SEMA3D: variants seen among roughly 807,000 people sequenced by gnomAD.
SEMA3D encodes semaphorin 3D, also known as semaphorin-3D.
Under a neutral mutation model 100.1 loss-of-function variants are expected in SEMA3D, and 84 were observed. The observed-to-expected ratio is 0.84, with a 90% CI of 0.70 to 1.01. The LOEUF is 1.01. Ranked by LOEUF, SEMA3D falls within the 50% of genes least tolerant of loss-of-function variation. SEMA3D has a pLI of 0.00. For missense variants in SEMA3D, 875 were observed against 934.1 expected (o/e 0.94, Z 0.82); for synonymous variants, 312 against 320.7 (o/e 0.97, Z 0.29).
At chr7:85,141,458 A>G (rs1348718795) in intron 2 of SEMA3D, 3 of 985,036 alleles carry the variant, frequency 3.0e-6, no homozygotes, top group Non-Finnish European at 3.6e-6. Context: ...TGGTGTCTTG[A>G]TCTTTCTCCA....
the SEMA3D span, among the ~76,000 whole-genome samples, chr7:85,212,401 C>T: frequency 6.6e-6 from 1 of 152,054 alleles, no homozygotes; most frequent in Non-Finnish European, 1.5e-5. Context: ...AATGGAAAAC[C>T]CTTCAGCCTT....
intron 1 of SEMA3D, among the ~76,000 whole-genome samples, chr7:85,156,183 A>T (rs1388179060): frequency 6.6e-6 from 1 of 150,678 alleles, no homozygotes; most frequent in African/African-American, 2.4e-5. Flanking sequence ...GCTCACTGCA[A>T]CCTCCACCTC....
At chr7:85,107,987 C>T (rs1208070899) in intron 3 of SEMA3D, among the ~76,000 whole-genome samples, 1 of 151,966 alleles carries the variant, frequency 6.6e-6, no homozygotes, top group African/African-American at 2.4e-5. Context: ...TAAATTAGGT[C>T]AATTTCATGA....
chr7:85,151,561 G>C (rs759260782), intron 2 of SEMA3D: 47 of 853,392 alleles, frequency 5.5e-5, no homozygotes, highest in Non-Finnish European at 6.6e-5. Flanking sequence ...GGTTAAAATA[G>C]AGCACCGTAG....
In SEMA3D at chr7:85,091,197, G is replaced by A. The variant is rs574644804; in HGVS notation, c.312+6608C>T. Among the ~76,000 whole-genome samples, 412 of 147,718 alleles carry A rather than the reference G, an allele frequency of 2.8e-3. 1 individual carries two copies. Among genetic ancestry groups the A allele is most frequent in the African/African-American group, 0.01 (400 of 39,804 alleles). ...AAGAAGGAAGGAAGGAAGAGAAGGA[G>A]GGAGGGAGGGAAGGAAGGGAAGGAA... is the stretch of plus-strand genomic sequence containing the variant. On this transcript the variant is annotated intron_variant, in intron 4 of 18. Transcript: ENST00000284136.
chr7:85,055,790 A>G lies in SEMA3D; in HGVS notation c.788T>C (p.Phe263Ser). 1 of 1,576,398 alleles carries G rather than the reference A, an allele frequency of 6.3e-7. No homozygotes were observed. Among genetic ancestry groups the G allele is most frequent in the Non-Finnish European group, 8.7e-7 (1 of 1,149,314 alleles). Residue 263 changes from phenylalanine to serine, a missense_variant, in exon 9 of 19, where the codon TTC becomes TCC. Phe to Ser is a radical substitution (Grantham distance 155). Transcript: ENST00000284136. ...YNPDDDKIYF[F>S]FRESSQEGST... is the part of the protein sequence containing the mutation. ...GCCTTCTTGAGATGATTCACGAAAG[A>G]AGAAATATATTTTATCATCATCTGG...
At chr7:85,048,655 T>C (rs1462823691) in intron 9 of SEMA3D, among the ~76,000 whole-genome samples, 9 of 151,912 alleles carry the variant, frequency 5.9e-5, no homozygotes, top group Non-Finnish European at 1.0e-4. Flanking sequence ...TCTTTTGCAA[T>C]ACTTGCAATG....
chr7:85,089,282 G>A (rs1788309040), intron 4 of SEMA3D, among the ~76,000 whole-genome samples: 2 of 152,038 alleles, frequency 1.3e-5, no homozygotes, highest in Admixed American at 6.5e-5. Flanking sequence ...TCTAGGTAGA[G>A]CTTGTTCTAC....
intron 2 of SEMA3D, among the ~76,000 whole-genome samples, chr7:85,150,131 A>G (rs1041175770): frequency 4.0e-5 from 6 of 151,840 alleles, no homozygotes; most frequent in African/African-American, 1.5e-4. Context: ...TAATTTAAGA[A>G]TATTTAAATT....
intron 12 of SEMA3D, among the ~76,000 whole-genome samples, chr7:85,029,887 A>C (rs768118489): frequency 2.6e-5 from 4 of 152,096 alleles, no homozygotes; most frequent in East Asian, 1.9e-4. Context: ...TTGTATTGTA[A>C]GTGGAAAATG....
chr7:85,105,458 A>G (rs1261664266), intron 3 of SEMA3D, among the ~76,000 whole-genome samples: 7 of 152,072 alleles, frequency 4.6e-5, no homozygotes, highest in African/African-American at 1.4e-4. Context: ...AAGATAACTC[A>G]TAATTCCCCT....
In SEMA3D at chr7:84,998,325, AAG is replaced by A. The variant is rs932662170; in HGVS notation, c.*1113_*1114del. ...ACAGAGTATGATAAATATTTTTTAAAAGAGAGAAAATATATACTGAAATATCA... is the reference window on the plus strand; with the variant it reads ...ACAGAGTATGATAAATATTTTTTAAAAGAGAAAATATATACTGAAATATCA... On this transcript the variant is annotated 3_prime_UTR_variant, in exon 19 of 19. Transcript: ENST00000284136. The A allele has an allele frequency of 8.5e-5, 13 of 152,304 alleles. No individual in the cohort carries two copies. In the East Asian group the frequency reaches 2.1e-3, roughly 25 times the overall value. 9.4% of individuals were successfully genotyped at this position (152,304 alleles called of 1,614,324 possible).
intron 1 of SEMA3D, among the ~76,000 whole-genome samples, chr7:85,177,376 T>C (rs894323014): frequency 2.6e-5 from 4 of 152,156 alleles, no homozygotes; most frequent in African/African-American, 7.2e-5. Flanking sequence ...ATTATACATA[T>C]AACATTTGTT....
At chr7:85,194,846 T>C in the SEMA3D span, among the ~76,000 whole-genome samples, 2 of 151,700 alleles carry the variant, frequency 1.3e-5, no homozygotes, top group African/African-American at 2.4e-5. Flanking sequence ...CTGGTGTTTT[T>C]CCATCATCTT....
chr7:85,125,193 A>G (rs779081061), intron 2 of SEMA3D, among the ~76,000 whole-genome samples: 2 of 152,082 alleles, frequency 1.3e-5, no homozygotes, highest in Admixed American at 1.3e-4. Flanking sequence ...CAATGCATGT[A>G]ACGTGAATGT....
chr7:85,092,612 AT>A (rs1252715905), intron 4 of SEMA3D, among the ~76,000 whole-genome samples: 6 of 152,006 alleles, frequency 3.9e-5, no homozygotes, highest in African/African-American at 1.4e-4. Context: ...TAGTTATTTG[AT>A]TTTTTAAAAA....
intron 1 of SEMA3D, among the ~76,000 whole-genome samples, chr7:85,178,705 T>C (rs1317682163): frequency 3.3e-5 from 5 of 152,224 alleles, no homozygotes; most frequent in African/African-American, 1.2e-4. Context: ...TTTAAGCCTG[T>C]GGCAGAAATT....
At chr7:85,005,421 G>A (rs1381607976) in intron 18 of SEMA3D, among the ~76,000 whole-genome samples, 1 of 152,002 alleles carries the variant, frequency 6.6e-6, no homozygotes, top group Non-Finnish European at 1.5e-5. Context: ...ATAGAAGTCA[G>A]GAATGATGAC....
the SEMA3D span, among the ~76,000 whole-genome samples, chr7:85,218,556 T>C: frequency 6.6e-6 from 1 of 152,150 alleles, no homozygotes; most frequent in Non-Finnish European, 1.5e-5. Context: ...GAAGAGTTTA[T>C]AATTGAAGAA....
Sources: gnomAD v4.1 joint callset for allele counts (sites outside exome capture counted in the v4.1 genomes callset) on GRCh38, gnomAD v4.1.1 for gene constraint, MANE v1.5 for transcripts, NCBI Gene and HGNC (gene_info 2026-07-23, HGNC 2026-07-21) for gene names.